TBC1D9: variants seen among roughly 807,000 people sequenced by gnomAD.
The protein encoded by TBC1D9 is TBC1 domain family member 9.
In TBC1D9, 63 loss-of-function variants were observed where a neutral mutation model predicts 132.0. That is an observed-to-expected ratio of 0.48 (90% CI 0.39 to 0.59). TBC1D9 has a LOEUF of 0.59. TBC1D9 is among the 20% of genes least tolerant of loss of function. TBC1D9 has a pLI of 0.00. For synonymous variants in TBC1D9, 610 were observed against 609.9 expected, an observed-to-expected ratio of 1.00 and a Z score of 0.00; for missense variants, 1,261 against 1,592.7, an observed-to-expected ratio of 0.79 and a Z score of 3.54.
chr4:140,628,552 T>G (rs1159061154), intron 16 of TBC1D9, among the ~76,000 whole-genome samples, 187 bp from the exon 17 acceptor site: 1 of 152,244 alleles, frequency 6.6e-6, no homozygotes, highest in Non-Finnish European at 1.5e-5. Context: ...ATCCTCTGCA[T>G]GTACTACATA....
chr4:140,631,515 C>G (rs1020703028), intron 16 of TBC1D9, among the ~76,000 whole-genome samples: 1 of 152,026 alleles, frequency 6.6e-6, no homozygotes, highest in Admixed American at 6.5e-5. Flanking sequence ...GACCATCTAT[C>G]TGTTTAGTAA....
intron 2 of TBC1D9, among the ~76,000 whole-genome samples, chr4:140,688,753 T>C (rs955643967): frequency 7.2e-5 from 11 of 152,186 alleles, no homozygotes; most frequent in African/African-American, 2.7e-4. Context: ...CTAATGTCTG[T>C]CGACACATTG....
chr4:140,754,928 T>C (rs1307861688), intron 1 of TBC1D9, among the ~76,000 whole-genome samples: 2 of 152,224 alleles, frequency 1.3e-5, no homozygotes, highest in Non-Finnish European at 1.5e-5. Context: ...CTTTATTTCA[T>C]AGCACAGCAT....
chr4:140,682,474 G>A (rs535440472), intron 3 of TBC1D9, among the ~76,000 whole-genome samples: 2 of 152,296 alleles, frequency 1.3e-5, no homozygotes, highest in East Asian at 3.9e-4. Context: ...GTGGGAAGGA[G>A]AAGTCAATTC....
intron 1 of TBC1D9, among the ~76,000 whole-genome samples, chr4:140,732,242 T>C (rs565940502): frequency 6.6e-6 from 1 of 152,292 alleles, no homozygotes; most frequent in African/African-American, 2.4e-5. Context: ...GACTTAGAGG[T>C]ATGGGAGATA....
chr4:140,751,738 A>G (rs994863960), intron 1 of TBC1D9, among the ~76,000 whole-genome samples: 1 of 152,232 alleles, frequency 6.6e-6, no homozygotes, highest in African/African-American at 2.4e-5. Context: ...TCTACAAGTT[A>G]GTAAGAAAAA....
intron 1 of TBC1D9, among the ~76,000 whole-genome samples, chr4:140,734,115 T>C (rs1173122293): frequency 6.6e-6 from 1 of 152,154 alleles, no homozygotes; most frequent in Admixed American, 6.6e-5. Context: ...GTTGAGTAGA[T>C]GGAGGATACT....
At chr4:140,657,469 G>A (rs1237972240) in intron 12 of TBC1D9, 58 bp downstream of exon 12, 10 of 1,533,364 alleles carry the variant, frequency 6.5e-6, no homozygotes, top group Non-Finnish European at 8.8e-6. Context: ...ATGAAATGAA[G>A]AGAAAGCATG....
intron 1 of TBC1D9, among the ~76,000 whole-genome samples, chr4:140,719,359 C>T (rs145374906): frequency 6.6e-6 from 1 of 152,240 alleles, no homozygotes; most frequent in African/African-American, 2.4e-5. Context: ...GTCTCTCACT[C>T]ATGTAATCTA....
At chr4:140,746,561 G>T (rs544666616) in intron 1 of TBC1D9, among the ~76,000 whole-genome samples, 23 of 152,156 alleles carry the variant, frequency 1.5e-4, no homozygotes, top group Non-Finnish European at 2.8e-4. Flanking sequence ...AAAGACTGTG[G>T]TTTAATTGAC....
At chr4:140,716,317 A>G (rs1207005493) in intron 1 of TBC1D9, among the ~76,000 whole-genome samples, 1 of 152,118 alleles carries the variant, frequency 6.6e-6, no homozygotes, top group Admixed American at 6.6e-5. Context: ...TGAGACTCCT[A>G]TGTCTACAAA....
At chr4:140,643,690 C>T in intron 13 of TBC1D9, 2 of 1,184,844 alleles carry the variant, frequency 1.7e-6, no homozygotes, top group Non-Finnish European at 1.2e-6. Flanking sequence ...GTCAGCTGCA[C>T]CCCCAGGTCC....
At position 140,634,125 on chromosome 4, in the gene TBC1D9, T is replaced by A. The variant is rs745332462; in HGVS notation, c.2569A>T (p.Ser857Cys). ...SSNALDRHDP[S>C]LPYLEQYRID... The stretch of plus-strand genomic sequence containing the variant: ...CGATACTGTTCCAGGTAGGGCAGGC[T>A]GGGGTCATGCCGGTCCAGCGCGTTG... Residue 857 changes from serine to cysteine, a missense_variant, in exon 16 of 21, where the codon AGC (serine) becomes TGC (cysteine). Coordinates refer to ENST00000442267, the MANE Select transcript of TBC1D9 (RefSeq NM_015130.3). 4.3e-6 allele frequency: 7 copies of A among 1,614,000 alleles called. No individual in the cohort carries two copies. The highest frequency in any genetic ancestry group is 5.9e-6 in the Non-Finnish European group (7 of 1,179,900).
rs535312970 is a variant in TBC1D9, at chr4:140,703,328, G to A, written c.131-1714C>T. 5.3e-5 allele frequency among the ~76,000 whole-genome samples: 8 copies of A among 152,296 alleles called. No homozygotes were observed. In the South Asian group the frequency reaches 1.7e-3, roughly 32 times the overall value. On this transcript the variant is annotated intron_variant, in intron 1 of 20. Coordinates refer to ENST00000442267, the MANE Select transcript of TBC1D9 (RefSeq NM_015130.3). The stretch of plus-strand genomic sequence containing the variant: ...ATGTTATTTTGTAATAATGTCTTGA[G>A]GTTTGGTTCTGGCCATACCAAATAA...
At chr4:140,682,878 C>G (rs950742644) in intron 3 of TBC1D9, among the ~76,000 whole-genome samples, 3 of 152,106 alleles carry the variant, frequency 2.0e-5, no homozygotes, top group Non-Finnish European at 4.4e-5. Context: ...AGAGTGCTCA[C>G]TGAATTTATT....
chr4:140,640,528 G>A (rs1736970449), intron 13 of TBC1D9, among the ~76,000 whole-genome samples: 1 of 152,082 alleles, frequency 6.6e-6, no homozygotes, highest in South Asian at 2.1e-4. Flanking sequence ...CATTGTCAGG[G>A]TGAGGGAGGC....
intron 13 of TBC1D9, 108 bp downstream of exon 13, chr4:140,656,987 ATC>A (rs1308308554): frequency 1.5e-6 from 2 of 1,326,720 alleles, no homozygotes; most frequent in Non-Finnish European, 2.0e-6. Context: ...AGAAATAAAT[ATC>A]TGTTCTTTGC....
intron 9 of TBC1D9, among the ~76,000 whole-genome samples, chr4:140,665,436 C>T (rs1737428485): frequency 6.6e-6 from 1 of 152,036 alleles, no homozygotes; most frequent in Admixed American, 6.5e-5. Flanking sequence ...GATCTGAGTA[C>T]ATATTTCTAC....
intron 18 of TBC1D9, among the ~76,000 whole-genome samples, 193 bp from the exon 19 acceptor site, chr4:140,624,581 T>TG (rs1256359196): frequency 6.6e-6 from 1 of 152,098 alleles, no homozygotes; most frequent in African/African-American, 2.4e-5. Context: ...CAACAATTTT[T>TG]GGGGGGGATA....
Sources: gnomAD v4.1 joint callset for allele counts (sites outside exome capture counted in the v4.1 genomes callset) on GRCh38, gnomAD v4.1.1 for gene constraint, MANE v1.5 for transcripts, NCBI Gene and HGNC (gene_info 2026-07-23, HGNC 2026-07-21) for gene names.